The following STIM2 variants were observed in gnomAD, a reference collection of about 807,000 sequenced individuals.
STIM2 encodes stromal interaction molecule 2.
Under a neutral mutation model 85.8 loss-of-function variants are expected in STIM2, and 31 were observed. The ratio of observed to expected loss-of-function variants is 0.36; its 90% CI spans 0.27 to 0.49. The LOEUF is 0.49. Ranked by LOEUF, STIM2 falls within the 20% of genes least tolerant of loss-of-function variation. STIM2 has a pLI of 0.98. For synonymous variants in STIM2, 356 were observed against 331.1 expected (o/e 1.08, Z -0.82); for missense variants, 841 against 927.6 (o/e 0.91, Z 1.21).
intron 1 of STIM2, among the ~76,000 whole-genome samples, chr4:26,914,527 T>C (rs1219994212): frequency 2.6e-5 from 4 of 152,212 alleles, no homozygotes; most frequent in Non-Finnish European, 5.9e-5. Flanking sequence ...CTGCCATCTT[T>C]ATTTATTTGT....
chr4:26,934,787 C>T (rs558895246), intron 2 of STIM2, among the ~76,000 whole-genome samples: 4 of 152,138 alleles, frequency 2.6e-5, no homozygotes, highest in Admixed American at 1.3e-4. Flanking sequence ...TTGGCACATG[C>T]CTGCAATCCC....
At chr4:27,021,047 G>T (rs1560243615) in intron 11 of STIM2, 4 of 1,535,058 alleles carry the variant, frequency 2.6e-6, no homozygotes, top group Non-Finnish European at 1.7e-6. Flanking sequence ...AGACTAAGTA[G>T]TAAAGCTCTC....
intron 1 of STIM2, among the ~76,000 whole-genome samples, chr4:26,898,869 T>G (rs1723804760): frequency 6.6e-6 from 1 of 152,126 alleles, no homozygotes; most frequent in African/African-American, 2.4e-5. Flanking sequence ...AATTAATTTT[T>G]ACACATTTAA....
chr4:27,002,883 CTG>C (rs1441025501), intron 6 of STIM2, 42 bp from the exon 7 acceptor site: 2 of 1,438,174 alleles, frequency 1.4e-6, no homozygotes, highest in Non-Finnish European at 1.8e-6. Context: ...AAAAATAAAA[CTG>C]GAAATTTTTG....
intron 1 of STIM2, among the ~76,000 whole-genome samples, chr4:26,890,946 G>C (rs754506065): frequency 1.3e-5 from 2 of 151,990 alleles, no homozygotes; most frequent in African/African-American, 2.4e-5. Context: ...GCTTCACACA[G>C]AAGCTCTATC....
At chr4:26,915,662 C>T (rs1724548142) in intron 1 of STIM2, among the ~76,000 whole-genome samples, 2 of 152,192 alleles carry the variant, frequency 1.3e-5, no homozygotes, top group African/African-American at 4.8e-5. Flanking sequence ...GTGTTGATAG[C>T]TGACTTGGGT....
intron 3 of STIM2, among the ~76,000 whole-genome samples, chr4:26,970,058 A>C (rs1037975943): frequency 2.6e-5 from 4 of 151,292 alleles, no homozygotes; most frequent in Non-Finnish European, 5.9e-5. Context: ...ATTTTCCAAA[A>C]TAAAAAAAAT....
chr4:26,960,883 G>GC (rs1048762238), intron 3 of STIM2, among the ~76,000 whole-genome samples: 1 of 152,004 alleles, frequency 6.6e-6, no homozygotes, highest in Non-Finnish European at 1.5e-5. Flanking sequence ...GGCCAACATG[G>GC]CAAAACCCTG....
intron 1 of STIM2, among the ~76,000 whole-genome samples, chr4:26,880,088 C>A (rs1447032640): frequency 1.3e-5 from 2 of 152,156 alleles, no homozygotes; most frequent in Non-Finnish European, 2.9e-5. Context: ...AGAATAGAAA[C>A]CTTTTATGCT....
intron 2 of STIM2, among the ~76,000 whole-genome samples, chr4:26,952,174 G>T (rs974110265): frequency 1.3e-5 from 2 of 152,046 alleles, no homozygotes; most frequent in African/African-American, 4.8e-5. Context: ...TTTGGGTGGG[G>T]ACACATCCAA....
intron 3 of STIM2, among the ~76,000 whole-genome samples, chr4:26,963,497 C>T (rs1392947883): frequency 2.0e-5 from 3 of 152,134 alleles, no homozygotes; most frequent in Non-Finnish European, 2.9e-5. Flanking sequence ...TTGTGGCATC[C>T]ATCAACAAAA....
chr4:26,863,137 T>TC (rs1423140909), intron 1 of STIM2, among the ~76,000 whole-genome samples: 2 of 152,098 alleles, frequency 1.3e-5, no homozygotes, highest in African/African-American at 4.8e-5. Flanking sequence ...CCATTTACAA[T>TC]CCCTTTTAAG....
intron 11 of STIM2, among the ~76,000 whole-genome samples, chr4:27,020,666 A>G (rs905383605): frequency 2.6e-5 from 4 of 152,248 alleles, no homozygotes; most frequent in Admixed American, 2.0e-4. Context: ...ATTCATCAAA[A>G]TTAAGTGCCA....
intron 2 of STIM2, among the ~76,000 whole-genome samples, chr4:26,948,140 T>A (rs532284988): frequency 9.8e-5 from 15 of 152,346 alleles, no homozygotes; most frequent in Admixed American, 6.5e-4. Flanking sequence ...TGCCACTCTC[T>A]CTCAGCTTTG....
intron 1 of STIM2, among the ~76,000 whole-genome samples, chr4:26,875,886 C>G (rs1722799108): frequency 6.6e-6 from 1 of 152,148 alleles, no homozygotes; most frequent in Non-Finnish European, 1.5e-5. Flanking sequence ...TTTGCGTGTT[C>G]TGAATTAGTA....
At chr4:26,922,168 A>G (rs1359260729) in intron 2 of STIM2, among the ~76,000 whole-genome samples, 1 of 152,060 alleles carries the variant, frequency 6.6e-6, no homozygotes, top group African/African-American at 2.4e-5. Context: ...AAATGAGTGG[A>G]TAATTCATTC....
intron 1 of STIM2, among the ~76,000 whole-genome samples, chr4:26,908,487 G>GTTTC (rs1175149547): frequency 6.6e-6 from 1 of 152,118 alleles, no homozygotes; most frequent in Non-Finnish European, 1.5e-5. Context: ...TTGTTTGTTT[G>GTTTC]TTTGTTTGCT....
intron 1 of STIM2, among the ~76,000 whole-genome samples, chr4:26,893,417 C>G (rs1723571773): frequency 6.6e-6 from 1 of 152,086 alleles, no homozygotes; most frequent in South Asian, 2.1e-4. Context: ...TTAATAAAAT[C>G]ATTGTATGTG....
At chr4:26,960,111 T>C (rs1726392500) in intron 3 of STIM2, among the ~76,000 whole-genome samples, 1 of 152,184 alleles carries the variant, frequency 6.6e-6, no homozygotes, top group Non-Finnish European at 1.5e-5. Context: ...ACATTCAGGC[T>C]CCAGGAGGAG....
Sources: allele counts gnomAD v4.1 joint callset (sites outside exome capture counted in the v4.1 genomes callset), GRCh38; gene constraint gnomAD v4.1.1; transcripts MANE v1.5; gene names NCBI Gene and HGNC (gene_info 2026-07-23, HGNC 2026-07-21).